Variants in LRMDA observed in about 807,000 individuals in gnomAD.
LRMDA encodes the protein leucine rich melanocyte differentiation associated.
LRMDA carries 18 observed loss-of-function variants against 29.8 expected under a neutral mutation model. The ratio of observed to expected loss-of-function variants is 0.60; its 90% CI spans 0.42 to 0.90. LRMDA has a LOEUF of 0.90. LRMDA is among the 40% of genes least tolerant of loss of function. The pLI is 0.00. For synonymous variants in LRMDA, 125 were observed against 109.4 expected, an observed-to-expected ratio of 1.14 and a Z score of -0.89; for missense variants, 273 against 273.9, an observed-to-expected ratio of 1.00 and a Z score of 0.02.
chr10:76,470,208 C>T (rs1907297), intron 6 of LRMDA, among the ~76,000 whole-genome samples: 7 of 152,140 alleles, frequency 4.6e-5, no homozygotes, highest in African/African-American at 1.7e-4. Flanking sequence ...GTAATACAGG[C>T]TGAAAGCAGT....
chr10:75,810,791 A>T (rs1205375771), intron 2 of LRMDA, among the ~76,000 whole-genome samples: 2 of 152,210 alleles, frequency 1.3e-5, no homozygotes, highest in African/African-American at 4.8e-5. Context: ...GACTATATGC[A>T]TCTGGAGCTT....
intron 2 of LRMDA, among the ~76,000 whole-genome samples, chr10:75,627,196 A>G (rs1841261312): frequency 6.6e-6 from 1 of 152,232 alleles, no homozygotes; most frequent in Admixed American, 6.5e-5. Flanking sequence ...TTTACTTACC[A>G]GTGAGCTCTA....
At chr10:75,923,656 A>G (rs1404800078) in intron 2 of LRMDA, among the ~76,000 whole-genome samples, 1 of 152,060 alleles carries the variant, frequency 6.6e-6, no homozygotes, top group Non-Finnish European at 1.5e-5. Flanking sequence ...GATCAATGCC[A>G]TTTTTTATGT....
chr10:76,114,487 T>C (rs1302577161), intron 5 of LRMDA, among the ~76,000 whole-genome samples: 1 of 152,170 alleles, frequency 6.6e-6, no homozygotes, highest in Non-Finnish European at 1.5e-5. Flanking sequence ...ATCCTGGAAC[T>C]CTGGCAATCA....
intron 5 of LRMDA, among the ~76,000 whole-genome samples, chr10:76,063,247 T>C (rs2132059898): frequency 6.6e-6 from 1 of 152,354 alleles, no homozygotes; most frequent in Non-Finnish European, 1.5e-5. Flanking sequence ...GAAGATGTGG[T>C]AATAAATATG....
intron 2 of LRMDA, among the ~76,000 whole-genome samples, chr10:75,551,304 C>T (rs1258943612): frequency 6.6e-6 from 1 of 151,638 alleles, no homozygotes; most frequent in African/African-American, 2.4e-5. Context: ...AAAAGTAAGA[C>T]CATGGAGGGC....
intron 6 of LRMDA, among the ~76,000 whole-genome samples, chr10:76,478,509 A>G (rs891803496): frequency 6.6e-6 from 1 of 152,156 alleles, no homozygotes; most frequent in Non-Finnish European, 1.5e-5. Context: ...GGGATCTAGA[A>G]CTAGAAATAT....
intron 2 of LRMDA, among the ~76,000 whole-genome samples, chr10:75,612,779 C>T (rs1199507974): frequency 1.3e-5 from 2 of 148,148 alleles, no homozygotes; most frequent in Non-Finnish European, 3.0e-5. Context: ...AATATTGATG[C>T]AGAACAAGGA....
intron 6 of LRMDA, among the ~76,000 whole-genome samples, chr10:76,549,739 G>A (rs543052431): frequency 1.3e-4 from 20 of 152,246 alleles, no homozygotes; most frequent in Non-Finnish European, 2.5e-4. Context: ...AAAAAGGACA[G>A]CAACTAATCC....
At chr10:75,870,248 T>G (rs2132331115) in intron 2 of LRMDA, among the ~76,000 whole-genome samples, 1 of 152,354 alleles carries the variant, frequency 6.6e-6, no homozygotes, top group East Asian at 1.9e-4. Context: ...CTGGGCCCAT[T>G]CATTTTGGTA....
chr10:75,658,819 T>C (rs1371143140), intron 2 of LRMDA, among the ~76,000 whole-genome samples: 1 of 152,210 alleles, frequency 6.6e-6, no homozygotes, highest in Non-Finnish European at 1.5e-5. Flanking sequence ...TCCTCTATTT[T>C]GGTGGGTGGA....
intron 1 of LRMDA, among the ~76,000 whole-genome samples, chr10:75,432,782 C>T (rs1360899288): frequency 2.0e-5 from 3 of 152,324 alleles, no homozygotes; most frequent in Middle Eastern, 3.4e-3. Flanking sequence ...GCCAACTGTG[C>T]AGCCCATTAA....
intron 3 of LRMDA, among the ~76,000 whole-genome samples, chr10:76,046,480 CTTTTTCTGGTTTTT>C (rs538951534): frequency 7.5e-4 from 114 of 152,036 alleles, no homozygotes; most frequent in Admixed American, 1.2e-3. Context: ...TTCTGGTTTT[CTTTTTCTGGTTTTT>C]TTGTTTTGTT....
intron 6 of LRMDA, among the ~76,000 whole-genome samples, chr10:76,411,496 C>T (rs1326711112): frequency 1.3e-5 from 2 of 152,190 alleles, no homozygotes; most frequent in Non-Finnish European, 2.9e-5. Flanking sequence ...CTAAGGTCAA[C>T]GACATTATTT....
intron 2 of LRMDA, among the ~76,000 whole-genome samples, chr10:75,957,887 C>T (rs1159769544): frequency 6.6e-6 from 1 of 152,086 alleles, no homozygotes; most frequent in Admixed American, 6.6e-5. Context: ...TAATAAATAG[C>T]TGTGCTCGGG....
In LRMDA at chr10:76,016,089, C is replaced by T. The variant is rs970539723; in HGVS notation, c.132-19919C>T. 3.3e-5 allele frequency among the ~76,000 whole-genome samples: 5 copies of T among 152,254 alleles called. No individual in the cohort carries two copies. The South Asian group carries it at 6.2e-4, about 19-fold the overall frequency. On this transcript the variant is annotated intron_variant, in intron 2 of 6. Coordinates refer to ENST00000611255, the MANE Select transcript of LRMDA (RefSeq NM_001305581.2). The stretch of plus-strand genomic sequence containing the variant: ...CCTTGAATCTTGTATTGTTTAATTT[C>T]CACACGTCGACATCTTGTCTCTCCA...
At chr10:76,038,044 G>A (rs980686487) in intron 3 of LRMDA, among the ~76,000 whole-genome samples, 4 of 152,100 alleles carry the variant, frequency 2.6e-5, no homozygotes, top group African/African-American at 9.7e-5. Flanking sequence ...TTTCTAGGCT[G>A]TCTTAGATGA....
chr10:75,821,528 G>A (rs1283804656), intron 2 of LRMDA, among the ~76,000 whole-genome samples: 1 of 152,172 alleles, frequency 6.6e-6, no homozygotes, highest in Non-Finnish European at 1.5e-5. Flanking sequence ...CCAGCACTTT[G>A]GGAGGCTGAG....
chr10:75,536,025 A>C (rs965758596), intron 2 of LRMDA, among the ~76,000 whole-genome samples: 3 of 152,118 alleles, frequency 2.0e-5, no homozygotes, highest in Non-Finnish European at 4.4e-5. Flanking sequence ...ATGGAGGGGA[A>C]AGCCACCTCC....
Sources: allele counts gnomAD v4.1 joint callset (sites outside exome capture counted in the v4.1 genomes callset), GRCh38; gene constraint gnomAD v4.1.1; transcripts MANE v1.5; gene names NCBI Gene and HGNC (gene_info 2026-07-23, HGNC 2026-07-21).